Variants in MEGF10 observed in about 807,000 individuals in gnomAD.
MEGF10 encodes the protein multiple epidermal growth factor-like domains protein 10.
A neutral mutation model predicts 147.5 loss-of-function variants in MEGF10; 86 were observed. The ratio of observed to expected loss-of-function variants is 0.58; its 90% CI spans 0.49 to 0.70. The LOEUF (loss-of-function observed/expected upper bound fraction) is 0.70, where lower values mean the gene tolerates loss of function less well. Among genes scored for constraint, MEGF10 ranks in the 30% least tolerant of loss-of-function variants. The pLI is 0.00. For missense variants in MEGF10, 1,329 were observed against 1,487.3 expected (o/e 0.89, Z 1.75); for synonymous variants, 478 against 525.5 (o/e 0.91, Z 1.24).
At position 127,459,454 on chromosome 5, in the gene MEGF10, G is replaced by T. The variant is rs1488319320; in HGVS notation, c.*2136G>T. ...ACATGTGTGAGTCAATAGCCATCGG[G>T]GTCCTTTTTGGTGAGAAGAAATAAG... On this transcript the variant is annotated 3_prime_UTR_variant, in exon 25 of 25. Coordinates refer to ENST00000503335, the MANE Select transcript of MEGF10 (RefSeq NM_001256545.2). 1 of 152,040 alleles carries T rather than the reference G, an allele frequency of 6.6e-6. No individual in the cohort carries two copies. Among genetic ancestry groups the T allele is most frequent in the Non-Finnish European group, 1.5e-5 (1 of 68,016 alleles). 9.4% of individuals were successfully genotyped at this position (152,040 alleles called of 1,614,324 possible). A position where few individuals can be genotyped will look rare whatever the true frequency, so the allele number is the denominator to read the frequency against.
At chr5:127,446,050 T>G (rs1765932337) in intron 20 of MEGF10, among the ~76,000 whole-genome samples, 1 of 152,162 alleles carries the variant, frequency 6.6e-6, no homozygotes, top group African/African-American at 2.4e-5. Context: ...TGGATCAGAT[T>G]AGGGACCAGT....
chr5:127,381,645 T>C (rs997136528), intron 5 of MEGF10, among the ~76,000 whole-genome samples: 7 of 152,172 alleles, frequency 4.6e-5, no homozygotes, highest in African/African-American at 1.7e-4. Context: ...TATTTTATTG[T>C]GTTTTGTTGT....
intron 5 of MEGF10, among the ~76,000 whole-genome samples, chr5:127,374,572 T>G (rs1762959101): frequency 6.6e-6 from 1 of 152,162 alleles, no homozygotes; most frequent in East Asian, 1.9e-4. Flanking sequence ...GTGAACATGC[T>G]CATACTCTCT....
At chr5:127,456,287 G>A (rs902974277) in intron 24 of MEGF10, among the ~76,000 whole-genome samples, 1 of 152,174 alleles carries the variant, frequency 6.6e-6, no homozygotes, top group Non-Finnish European at 1.5e-5. Flanking sequence ...ATTCTCTGAT[G>A]TGAATGTGAT....
At chr5:127,255,570 C>T in the MEGF10 span, among the ~76,000 whole-genome samples, 1 of 152,130 alleles carries the variant, frequency 6.6e-6, no homozygotes, top group Admixed American at 6.6e-5. Flanking sequence ...TGGATTTAGC[C>T]ATGCTACATT....
At chr5:127,297,440 T>TA (rs1000374127) in intron 1 of MEGF10, among the ~76,000 whole-genome samples, 84 of 148,020 alleles carry the variant, frequency 5.7e-4, no homozygotes, top group East Asian at 2.0e-3. Flanking sequence ...CCTCAACAAT[T>TA]AAAAAAAAAA....
chr5:127,307,093 G>A (rs942087061), intron 1 of MEGF10, among the ~76,000 whole-genome samples: 2 of 152,062 alleles, frequency 1.3e-5, no homozygotes, highest in Non-Finnish European at 1.5e-5. Context: ...AAATCCTTCC[G>A]GAGTGAAAGG....
intron 1 of MEGF10, among the ~76,000 whole-genome samples, chr5:127,330,324 T>C (rs1485721288): frequency 6.6e-6 from 1 of 152,176 alleles, no homozygotes; most frequent in Non-Finnish European, 1.5e-5. Context: ...CTCCATGTTA[T>C]CCTTGGATGA....
At chr5:127,294,835 T>TAATAATAATAAA (rs56033520) in intron 1 of MEGF10, among the ~76,000 whole-genome samples, 14,328 of 142,964 alleles carry the variant, frequency 0.1, 850 homozygotes, top group Middle Eastern at 0.19. Flanking sequence ...ATAATAATAA[T>TAATAATAATAAA]AAATAACTTG....
chr5:127,342,019 G>C (rs966042416), intron 4 of MEGF10, among the ~76,000 whole-genome samples: 2 of 152,182 alleles, frequency 1.3e-5, no homozygotes, highest in African/African-American at 4.8e-5. Flanking sequence ...ATACCCACCA[G>C]CAGTAAATGA....
intron 5 of MEGF10, among the ~76,000 whole-genome samples, chr5:127,386,396 T>C (rs1763436049): frequency 1.3e-5 from 2 of 152,232 alleles, no homozygotes; most frequent in Admixed American, 1.3e-4. Context: ...ATGACATCTT[T>C]TTATACTGAA....
intron 5 of MEGF10, among the ~76,000 whole-genome samples, chr5:127,376,481 AC>A (rs934869293): frequency 6.6e-6 from 1 of 152,034 alleles, no homozygotes; most frequent in Non-Finnish European, 1.5e-5. Context: ...GAGGAAGAAA[AC>A]CATGGCCAGA....
At chr5:127,269,230 T>A in the MEGF10 span, among the ~76,000 whole-genome samples, 1 of 152,242 alleles carries the variant, frequency 6.6e-6, no homozygotes, top group Non-Finnish European at 1.5e-5. Context: ...GGAACAAAGC[T>A]GGATGGAGAA....
intron 15 of MEGF10, among the ~76,000 whole-genome samples, 161 bp from the exon 16 acceptor site, chr5:127,435,200 G>C (rs1403849823): frequency 6.6e-6 from 1 of 152,186 alleles, no homozygotes; most frequent in Non-Finnish European, 1.5e-5. Flanking sequence ...TCATGGATTT[G>C]TAAAAATGAG....
intron 20 of MEGF10, 43 bp from the exon 21 acceptor site, chr5:127,447,514 T>C (rs1561653132): frequency 6.2e-7 from 1 of 1,612,768 alleles, no homozygotes; most frequent in Non-Finnish European, 8.5e-7. Flanking sequence ...CACACACATT[T>C]ATGGGAGCCT....
the MEGF10 span, among the ~76,000 whole-genome samples, chr5:127,260,058 G>A: frequency 1.3e-5 from 2 of 152,096 alleles, no homozygotes; most frequent in Non-Finnish European, 2.9e-5. Context: ...TCAGGAGGCT[G>A]AGGCAGGAGA....
intron 13 of MEGF10, among the ~76,000 whole-genome samples, chr5:127,431,384 T>TA (rs1163810094): frequency 1.3e-5 from 2 of 152,218 alleles, no homozygotes; most frequent in Non-Finnish European, 2.9e-5. Flanking sequence ...CATTCCATCT[T>TA]AACTGAATTT....
At chr5:127,429,187 G>A (rs984074738) in intron 13 of MEGF10, among the ~76,000 whole-genome samples, 1 of 152,058 alleles carries the variant, frequency 6.6e-6, no homozygotes, top group East Asian at 1.9e-4. Flanking sequence ...GTTTCTATCT[G>A]TTTTTTGCTA....
At chr5:127,341,591 C>T (rs1761686966) in intron 4 of MEGF10, among the ~76,000 whole-genome samples, 1 of 152,182 alleles carries the variant, frequency 6.6e-6, no homozygotes, top group Non-Finnish European at 1.5e-5. Context: ...TCTCGTCTTT[C>T]TTCCAACCCC....
Sources: allele counts gnomAD v4.1 joint callset (sites outside exome capture counted in the v4.1 genomes callset), GRCh38; gene constraint gnomAD v4.1.1; transcripts MANE v1.5; gene names NCBI Gene and HGNC (gene_info 2026-07-23, HGNC 2026-07-21).